The following GPC5 variants were observed in gnomAD, a reference collection of about 807,000 sequenced individuals.
GPC5 encodes the protein glypican 5.
In GPC5, 47 loss-of-function variants were observed where a neutral mutation model predicts 53.9. That is an observed-to-expected ratio of 0.87 (90% CI 0.69 to 1.11). GPC5 has a LOEUF of 1.11. GPC5 is among the 50% of genes most tolerant of loss of function. The pLI is 0.00. For synonymous variants in GPC5, 286 were observed against 263.3 expected (o/e 1.09, Z -0.84); for missense variants, 748 against 713.1 (o/e 1.05, Z -0.56).
chr13:92,477,252 C>G (rs1259372356), intron 7 of GPC5, among the ~76,000 whole-genome samples: 3 of 151,438 alleles, frequency 2.0e-5, no homozygotes, highest in Non-Finnish European at 4.4e-5. Flanking sequence ...TGAAGAACAA[C>G]TTGTTCACAT....
intron 5 of GPC5, among the ~76,000 whole-genome samples, chr13:91,881,675 C>T (rs920174531): frequency 1.2e-4 from 19 of 152,140 alleles, no homozygotes; most frequent in African/African-American, 3.1e-4. Flanking sequence ...GTGTTTGTCT[C>T]GTTCACTGCC....
chr13:92,860,023 TAC>T (rs1289085904), intron 7 of GPC5, among the ~76,000 whole-genome samples: 4 of 152,152 alleles, frequency 2.6e-5, no homozygotes, highest in African/African-American at 7.2e-5. Flanking sequence ...ATTTATCTGA[TAC>T]AGTGACAATT....
At chr13:92,369,931 A>C (rs1594139479) in intron 7 of GPC5, among the ~76,000 whole-genome samples, 1 of 152,368 alleles carries the variant, frequency 6.6e-6, no homozygotes, top group Admixed American at 6.5e-5. Flanking sequence ...AAACCTGTGC[A>C]GTATGGTGCT....
intron 2 of GPC5, among the ~76,000 whole-genome samples, chr13:91,504,085 C>G (rs764624582): frequency 1.1e-4 from 17 of 151,918 alleles, no homozygotes; most frequent in Middle Eastern, 3.4e-3. Context: ...TTGTTCTTCT[C>G]AATATGTTCA....
At chr13:92,352,019 A>G (rs1458015787) in intron 7 of GPC5, among the ~76,000 whole-genome samples, 1 of 152,200 alleles carries the variant, frequency 6.6e-6, no homozygotes, top group East Asian at 1.9e-4. Context: ...TGCTCAGAAG[A>G]AAAGAAGTGA....
Position 92,746,118 on chromosome 13 carries a change from TGTC to T in GPC5, c.1562-120160_1562-120158del, listed in dbSNP as rs376165650. Among the ~76,000 whole-genome samples, 612 of 152,228 alleles carry T rather than the reference TGTC, an allele frequency of 4.0e-3. 6 individuals carry two copies. The highest frequency in any genetic ancestry group is 0.014 in the African/African-American group (585 of 41,580). ...AAACCTGTAAGATTGGGCCCCATCCTGTCGTCTAGTCATTCCCTCAAAATGGAG... is the reference window on the plus strand; with the variant it reads ...AAACCTGTAAGATTGGGCCCCATCCTGTCTAGTCATTCCCTCAAAATGGAG... On this transcript the variant is annotated intron_variant, in intron 7 of 7. Transcript: ENST00000377067.
At chr13:91,584,522 A>G (rs1353990548) in intron 2 of GPC5, among the ~76,000 whole-genome samples, 1 of 152,150 alleles carries the variant, frequency 6.6e-6, no homozygotes, top group Non-Finnish European at 1.5e-5. Flanking sequence ...TACTTTTTTT[A>G]GAAAGACATA....
chr13:91,582,555 G>A (rs1309920038), intron 2 of GPC5, among the ~76,000 whole-genome samples: 1 of 152,090 alleles, frequency 6.6e-6, no homozygotes, highest in East Asian at 1.9e-4. Context: ...AAAATGATGT[G>A]TAATTTTTTT....
At chr13:92,820,684 C>T (rs574480121) in intron 7 of GPC5, among the ~76,000 whole-genome samples, 1 of 152,234 alleles carries the variant, frequency 6.6e-6, no homozygotes, top group African/African-American at 2.4e-5. Context: ...ATACATCATT[C>T]TTTCAATTTT....
intron 2 of GPC5, among the ~76,000 whole-genome samples, chr13:91,485,213 CT>C (rs3052562): frequency 0.14 from 19,380 of 141,112 alleles, 1,949 homozygotes; most frequent in African/African-American, 0.3. Flanking sequence ...ATCTTGGTCC[CT>C]TTTTTTTTTT....
intron 3 of GPC5, among the ~76,000 whole-genome samples, chr13:91,716,091 T>G (rs1049830813): frequency 1.3e-5 from 2 of 152,228 alleles, no homozygotes; most frequent in African/African-American, 4.8e-5. Flanking sequence ...TCTTGATTTT[T>G]TTTTTTAAAG....
chr13:91,591,821 C>T (rs2032810778), intron 2 of GPC5, among the ~76,000 whole-genome samples: 1 of 152,192 alleles, frequency 6.6e-6, no homozygotes, highest in Non-Finnish European at 1.5e-5. Flanking sequence ...CCTATTTCGT[C>T]TTACAGCTCT....
intron 5 of GPC5, among the ~76,000 whole-genome samples, chr13:91,818,434 A>G (rs758679138): frequency 3.3e-5 from 5 of 152,250 alleles, no homozygotes; most frequent in Admixed American, 2.6e-4. Flanking sequence ...AAAAGACCCT[A>G]TATTACATAA....
At position 92,693,606 on chromosome 13, in the gene GPC5, G is replaced by A. The variant is rs570851363; in HGVS notation, c.1562-172676G>A. 1.1e-4 allele frequency among the ~76,000 whole-genome samples: 16 copies of A among 152,270 alleles called. No homozygotes were observed. In the South Asian group the frequency reaches 3.1e-3, roughly 30 times the overall value. On this transcript the variant is annotated intron_variant, in intron 7 of 7. Transcript: ENST00000377067. ...GGCATCTGGTGGAAGAAATTTCTAAGCAGCAAAGTATTCAAGCGGTGACCT... is the reference window on the plus strand; with the variant it reads ...GGCATCTGGTGGAAGAAATTTCTAAACAGCAAAGTATTCAAGCGGTGACCT...
intron 7 of GPC5, among the ~76,000 whole-genome samples, chr13:92,427,307 C>A (rs141052623): frequency 1.3e-5 from 2 of 148,822 alleles, no homozygotes; most frequent in Non-Finnish European, 3.0e-5. Flanking sequence ...CATTGTTTTG[C>A]AGTTGACTGG....
At chr13:92,843,490 G>C (rs1878500718) in intron 7 of GPC5, among the ~76,000 whole-genome samples, 1 of 152,032 alleles carries the variant, frequency 6.6e-6, no homozygotes, top group Non-Finnish European at 1.5e-5. Flanking sequence ...TAAGACTAAA[G>C]AAAAAGATAT....
At chr13:91,955,563 G>C (rs2040065386) in intron 6 of GPC5, among the ~76,000 whole-genome samples, 1 of 152,180 alleles carries the variant, frequency 6.6e-6, no homozygotes, top group Non-Finnish European at 1.5e-5. Context: ...GGAGCCCACA[G>C]AGGCACCCCA....
intron 7 of GPC5, among the ~76,000 whole-genome samples, chr13:92,219,189 C>A (rs1367271611): frequency 6.6e-6 from 1 of 151,962 alleles, no homozygotes; most frequent in Admixed American, 6.6e-5. Context: ...TTATCCCTAC[C>A]CACTGTGTCA....
chr13:91,850,183 A>T (rs1208193788), intron 5 of GPC5, among the ~76,000 whole-genome samples: 2 of 152,214 alleles, frequency 1.3e-5, no homozygotes. Context: ...GATAACCAAC[A>T]TCAATTAATA....
Sources: allele counts gnomAD v4.1 joint callset (sites outside exome capture counted in the v4.1 genomes callset), GRCh38; gene constraint gnomAD v4.1.1; transcripts MANE v1.5; gene names NCBI Gene and HGNC (gene_info 2026-07-23, HGNC 2026-07-21).